Variants in RALGPS2 observed in about 807,000 individuals in gnomAD.
The protein encoded by RALGPS2 is ras-specific guanine nucleotide-releasing factor RalGPS2.
A neutral mutation model predicts 86.8 loss-of-function variants in RALGPS2; 43 were observed. The ratio of observed to expected loss-of-function variants is 0.50; its 90% confidence interval spans 0.39 to 0.64. The LOEUF (loss-of-function observed/expected upper bound fraction) is 0.64, where lower values mean the gene tolerates loss of function less well. Ranked by LOEUF, RALGPS2 falls within the 30% of genes least tolerant of loss-of-function variation. RALGPS2 has a pLI of 0.00. For synonymous variants in RALGPS2, 243 were observed against 231.3 expected, an observed-to-expected ratio of 1.05 and a Z score of -0.46; for missense variants, 536 against 694.6, an observed-to-expected ratio of 0.77 and a Z score of 2.57.
intron 1 of RALGPS2, among the ~76,000 whole-genome samples, chr1:178,756,704 G>C (rs1651973835): frequency 6.6e-6 from 1 of 151,686 alleles, no homozygotes; most frequent in Non-Finnish European, 1.5e-5. Context: ...AAAAATGTTT[G>C]TAGCTTTATA....
intron 2 of RALGPS2, 152 bp downstream of exon 2, chr1:178,776,973 T>TAAAA (rs1416065438): frequency 1.2e-5 from 7 of 597,992 alleles, no homozygotes; most frequent in Non-Finnish European, 2.0e-5. Flanking sequence ...TTTTATACTT[T>TAAAA]AAGTTTTAGG....
intron 7 of RALGPS2, among the ~76,000 whole-genome samples, chr1:178,822,003 T>A (rs1242957272): frequency 6.6e-6 from 1 of 152,178 alleles, no homozygotes; most frequent in Non-Finnish European, 1.5e-5. Flanking sequence ...ATGGAAGGTA[T>A]GAATACAAAA....
intron 8 of RALGPS2, among the ~76,000 whole-genome samples, chr1:178,844,867 A>T (rs550785733): frequency 6.6e-6 from 1 of 152,146 alleles, no homozygotes. Context: ...TACTACAAAG[A>T]TGCAGTAGCT....
intron 1 of RALGPS2, among the ~76,000 whole-genome samples, chr1:178,728,748 G>C (rs1650174705): frequency 6.6e-6 from 1 of 152,034 alleles, no homozygotes; most frequent in Non-Finnish European, 1.5e-5. Flanking sequence ...TAAAGATTGT[G>C]ATAAATTTTA....
At chr1:178,889,565 A>G in intron 13 of RALGPS2, 77 bp from the exon 14 acceptor site, 1 of 950,020 alleles carries the variant, frequency 1.1e-6, no homozygotes, top group Non-Finnish European at 1.7e-6. Flanking sequence ...TAGTTAATTA[A>G]TTTATTTTTA....
intron 1 of RALGPS2, chr1:178,746,809 C>CT (rs1651357294): frequency 9.5e-7 from 1 of 1,049,218 alleles, no homozygotes; most frequent in Non-Finnish European, 1.5e-6. Flanking sequence ...GTAGAACACT[C>CT]TCATTGTTCT....
intron 2 of RALGPS2, among the ~76,000 whole-genome samples, chr1:178,779,233 C>A (rs1653259309): frequency 6.6e-6 from 1 of 152,120 alleles, no homozygotes; most frequent in Admixed American, 6.6e-5. Context: ...ATGCTCACCC[C>A]TCTAGTTAAT....
intron 6 of RALGPS2, among the ~76,000 whole-genome samples, chr1:178,814,951 A>C (rs904323850): frequency 1.3e-5 from 2 of 152,312 alleles, no homozygotes; most frequent in South Asian, 2.1e-4. Context: ...ATCTGATAGG[A>C]GTGAACATCT....
intron 10 of RALGPS2, 112 bp downstream of exon 10, chr1:178,879,104 CAGTGGTTT>C: frequency 7.0e-7 from 1 of 1,422,244 alleles, no homozygotes; most frequent in Non-Finnish European, 9.3e-7. Flanking sequence ...AGGACTAATC[CAGTGGTTT>C]ACAGCAGTAA....
intron 8 of RALGPS2, among the ~76,000 whole-genome samples, chr1:178,862,429 CTTAG>C (rs140261660): frequency 0.021 from 3,124 of 152,026 alleles, 89 homozygotes; most frequent in African/African-American, 0.062. Flanking sequence ...TGGAAAGCCT[CTTAG>C]TTAGATGTAT....
At position 178,893,933 on chromosome 1, in the gene RALGPS2, A is replaced by G; in HGVS notation, c.1340A>G (p.Glu447Gly). The change falls in exon 16 of 20, where the codon GAA (glutamate) becomes GGA (glycine). Residue 447 changes from glutamate to glycine, a missense_variant. This residue lies in a region of RALGPS2 where 309 missense variants were observed against 363.0 expected (regional missense o/e 0.85). Transcript: ENST00000367635. ...HMKASSSAES[E>G]DLAVHLYPGA... The stretch of plus-strand genomic sequence containing the variant: ...CGTTATTATAGTTCTGCAGAATCAG[A>G]AGATTTGGCAGTACATTTATATCCA... The G allele has an allele frequency of 6.2e-7, 1 of 1,602,934 alleles. No individual in the cohort carries two copies. The highest frequency in any genetic ancestry group is 2.2e-5 in the East Asian group (1 of 44,642).
intron 1 of RALGPS2, among the ~76,000 whole-genome samples, chr1:178,746,420 C>T (rs1163246649): frequency 6.6e-6 from 1 of 152,176 alleles, no homozygotes; most frequent in Non-Finnish European, 1.5e-5. Flanking sequence ...AAAGTAATCT[C>T]TCCTAATTTA....
intron 8 of RALGPS2, among the ~76,000 whole-genome samples, chr1:178,838,944 C>A (rs1053545136): frequency 4.0e-5 from 6 of 151,594 alleles, no homozygotes; most frequent in Non-Finnish European, 8.8e-5. Context: ...TGAAATGAAG[C>A]GAGAAGAGAA....
intron 18 of RALGPS2, among the ~76,000 whole-genome samples, chr1:178,905,973 A>C (rs774120631): frequency 7.9e-5 from 12 of 152,234 alleles, no homozygotes; most frequent in Non-Finnish European, 1.3e-4. Flanking sequence ...CTAAAAGCAT[A>C]GTCTATCAAT....
Position 178,896,514 on chromosome 1 carries a change from T to A in RALGPS2, c.1432-1150T>A, listed in dbSNP as rs376860544. On this transcript the variant is annotated intron_variant, in intron 16 of 19. Coordinates refer to ENST00000367635, the MANE Select transcript of RALGPS2 (RefSeq NM_152663.5). Reference sequence around the variant, plus strand: ...TTAAGTTTTAGGGTACATGTGCACATTGTGCAGGTTAGTTACATATGTATA... The same window carrying A: ...TTAAGTTTTAGGGTACATGTGCACAATGTGCAGGTTAGTTACATATGTATA... Among the ~76,000 whole-genome samples the A allele has an allele frequency of 5.7e-3, 852 of 149,924 alleles. 9 individuals are homozygous for A. The highest frequency in any genetic ancestry group is 0.02 in the African/African-American group (810 of 40,702).
chr1:178,777,574 T>C (rs1330231331), intron 2 of RALGPS2, among the ~76,000 whole-genome samples: 17 of 150,848 alleles, frequency 1.1e-4, no homozygotes, highest in South Asian at 4.2e-4. Flanking sequence ...AAAAAGAGCC[T>C]GCATCGCCAA....
chr1:178,921,365 A>C lies in RALGPS2; in HGVS notation c.*5006A>C, dbSNP rs1647297434. The C allele has an allele frequency of 6.6e-6, 1 of 152,056 alleles. No homozygotes were observed. Among genetic ancestry groups the C allele is most frequent in the Non-Finnish European group, 1.5e-5 (1 of 67,908 alleles). 9.4% of individuals were successfully genotyped at this position (152,056 alleles called of 1,614,324 possible). A position where few individuals can be genotyped will look rare whatever the true frequency, so the allele number is the denominator to read the frequency against. On this transcript the variant is annotated 3_prime_UTR_variant, in exon 20 of 20. Coordinates refer to ENST00000367635, the MANE Select transcript of RALGPS2 (RefSeq NM_152663.5). The stretch of plus-strand genomic sequence containing the variant: ...ATTGTTTCCCCTGAAGATATGACCT[A>C]CTAGAACTACTCACATATATAGTCC...
At chr1:178,851,169 G>A (rs756057313) in intron 8 of RALGPS2, 8 of 1,613,872 alleles carry the variant, frequency 5.0e-6, no homozygotes, top group South Asian at 3.3e-5. Context: ...TGCTCTTAAG[G>A]AGTATGACCC....
intron 1 of RALGPS2, among the ~76,000 whole-genome samples, chr1:178,763,225 C>T (rs1652336113): frequency 1.3e-5 from 2 of 152,154 alleles, no homozygotes; most frequent in African/African-American, 4.8e-5. Flanking sequence ...GTAGCAGTGT[C>T]ATGCTGTTTT....
Sources: gnomAD v4.1 joint callset for allele counts (sites outside exome capture counted in the v4.1 genomes callset) on GRCh38, gnomAD v4.1.1 for gene constraint, gnomAD v4.1.1 regional missense constraint, MANE v1.5 for transcripts, NCBI Gene and HGNC (gene_info 2026-07-23, HGNC 2026-07-21) for gene names.